CFAP54: variants seen among roughly 807,000 people sequenced by gnomAD.
CFAP54 encodes the protein cilia and flagella associated protein 54.
In CFAP54, 290 loss-of-function variants were observed where a neutral mutation model predicts 370.4. The ratio of observed to expected loss-of-function variants is 0.78; its 90% CI spans 0.71 to 0.86. The LOEUF (loss-of-function observed/expected upper bound fraction) is 0.86. Among genes scored for constraint, CFAP54 ranks in the 40% least tolerant of loss-of-function variants. CFAP54 has a pLI of 0.00. For synonymous variants in CFAP54, 1,206 were observed against 1,236.5 expected, an observed-to-expected ratio of 0.98 and a Z score of 0.52; for missense variants, 3,399 against 3,528.7, an observed-to-expected ratio of 0.96 and a Z score of 0.93.
At chr12:96,720,036 A>G (rs2136608280) in intron 49 of CFAP54, among the ~76,000 whole-genome samples, 1 of 152,316 alleles carries the variant, frequency 6.6e-6, no homozygotes, top group Non-Finnish European at 1.5e-5. Context: ...CAGTTAATGA[A>G]AATGTTGTGA....
intron 63 of CFAP54, among the ~76,000 whole-genome samples, chr12:96,798,980 T>C (rs1444386781): frequency 1.3e-5 from 2 of 152,224 alleles, no homozygotes; most frequent in African/African-American, 2.4e-5. Context: ...AAATGCAGTT[T>C]ACATATTTGT....
intron 1 of CFAP54, among the ~76,000 whole-genome samples, chr12:96,493,777 G>A (rs1954914710): frequency 1.3e-5 from 2 of 152,130 alleles, no homozygotes; most frequent in Admixed American, 1.3e-4. Flanking sequence ...CAGCCCAGGC[G>A]ACAGAGTGAG....
intron 45 of CFAP54, among the ~76,000 whole-genome samples, chr12:96,694,798 C>T (rs890615730): frequency 2.0e-5 from 3 of 151,804 alleles, no homozygotes; most frequent in South Asian, 2.1e-4. Context: ...CCGGGGTGGG[C>T]GGATCACCAG....
At chr12:96,707,725 G>A (rs999643476) in intron 47 of CFAP54, among the ~76,000 whole-genome samples, 1 of 152,184 alleles carries the variant, frequency 6.6e-6, no homozygotes, top group African/African-American at 2.4e-5. Flanking sequence ...CCAGCCTTAG[G>A]TAGCAGAAAG....
intron 47 of CFAP54, among the ~76,000 whole-genome samples, chr12:96,705,215 A>G (rs1025660284): frequency 1.2e-4 from 19 of 152,122 alleles, no homozygotes; most frequent in African/African-American, 4.1e-4. Flanking sequence ...TTATTTTTTT[A>G]AGTGCTAGGA....
At chr12:96,680,982 C>T (rs1396804001) in intron 40 of CFAP54, among the ~76,000 whole-genome samples, 1 of 152,106 alleles carries the variant, frequency 6.6e-6, no homozygotes, top group Non-Finnish European at 1.5e-5. Context: ...ACTCAGGAGG[C>T]TGAGGCATGA....
chr12:96,578,731 C>G (rs551941058), intron 20 of CFAP54, among the ~76,000 whole-genome samples: 16 of 152,256 alleles, frequency 1.1e-4, no homozygotes, highest in African/African-American at 3.9e-4. Context: ...CTAGATGGTG[C>G]TATGGGCTTA....
chr12:96,710,282 C>T (rs970207478), intron 48 of CFAP54, among the ~76,000 whole-genome samples: 5 of 152,142 alleles, frequency 3.3e-5, no homozygotes, highest in Non-Finnish European at 7.3e-5. Flanking sequence ...GAGAAGGGAA[C>T]ACAGGAGAGC....
chr12:96,604,220 T>G (rs958615821), intron 26 of CFAP54, among the ~76,000 whole-genome samples: 6 of 152,294 alleles, frequency 3.9e-5, no homozygotes, highest in African/African-American at 1.4e-4. Context: ...TCAGCTGCAG[T>G]TCTGTTGGAG....
intron 32 of CFAP54, among the ~76,000 whole-genome samples, chr12:96,643,007 G>A (rs929464429): frequency 1.2e-4 from 19 of 152,158 alleles, no homozygotes; most frequent in Admixed American, 3.3e-4. Context: ...CTGAACTATC[G>A]CACTCTCCAT....
chr12:96,794,254 T>C (rs1416084415), intron 63 of CFAP54, among the ~76,000 whole-genome samples: 1 of 152,234 alleles, frequency 6.6e-6, no homozygotes, highest in African/African-American at 2.4e-5. Context: ...CATGGTGTTC[T>C]TTGAGCTTCT....
At chr12:96,712,219 C>T (rs957314945) in intron 48 of CFAP54, among the ~76,000 whole-genome samples, 5 of 152,176 alleles carry the variant, frequency 3.3e-5, no homozygotes, top group Middle Eastern at 3.4e-3. Context: ...GCGTTTCAGA[C>T]TTTGGATGTC....
At chr12:96,587,384 G>C (rs12814007) in intron 22 of CFAP54, among the ~76,000 whole-genome samples, 47,153 of 151,916 alleles carry the variant, frequency 0.31, 7,471 homozygotes, top group South Asian at 0.35. Flanking sequence ...AACCAAGAGT[G>C]GAATTCTGGA....
chr12:96,728,500 G>T (rs1416748662), intron 50 of CFAP54, among the ~76,000 whole-genome samples: 3 of 152,100 alleles, frequency 2.0e-5, no homozygotes, highest in Admixed American at 6.5e-5. Context: ...TCTTCACGTA[G>T]TTCTCGACCC....
chr12:96,512,866 A>G, intron 4 of CFAP54, 120 bp from the exon 5 acceptor site: 1 of 493,474 alleles, frequency 2.0e-6, no homozygotes, highest in Non-Finnish European at 3.4e-6. Flanking sequence ...ATATACCATT[A>G]TCAGACTTCC....
At position 96,740,464 on chromosome 12, in the gene CFAP54, A is replaced by G. The variant is rs148219924; in HGVS notation, c.7071+403A>G. On this transcript the variant is annotated intron_variant, in intron 51 of 67. Transcript: ENST00000524981. Reference sequence around the variant, plus strand: ...ATACCTGGGCTGTTTCCTGCTTTGGATTCCTCATAGTTAGAATCTTGCATT... The same window carrying G: ...ATACCTGGGCTGTTTCCTGCTTTGGGTTCCTCATAGTTAGAATCTTGCATT... Among the ~76,000 whole-genome samples, 139 of 152,312 alleles carry G rather than the reference A, an allele frequency of 9.1e-4. 3 individuals carry two copies. In the East Asian group the frequency reaches 0.022, roughly 24 times the overall value.
chr12:96,534,101 T>G lies in CFAP54; in HGVS notation c.1579T>G (p.Leu527Val), dbSNP rs182181090. ...DPESKKAEKD[L>V]TLLIAMEPLI... ...AGAGTCAAAGAAAGCAGAGAAGGATTTAACTCTTCTGATTGCAATGGAACC... is the reference window on the plus strand; with the variant it reads ...AGAGTCAAAGAAAGCAGAGAAGGATGTAACTCTTCTGATTGCAATGGAACC... The change falls in exon 11 of 68, where the codon TTA (leucine) becomes GTA (valine). Residue 527 changes from leucine (L) to valine (V), a missense_variant. Leu to Val is a conservative substitution (Grantham distance 32). This residue lies in a region of CFAP54 where 44 missense variants were observed against 82.3 expected (regional missense o/e 0.53). Coordinates refer to ENST00000524981, the MANE Select transcript of CFAP54 (RefSeq NM_001306084.2). 2.6e-6 allele frequency: 4 copies of G among 1,533,546 alleles called. No individual in the cohort carries two copies. The highest frequency in any genetic ancestry group is 2.6e-6 in the Non-Finnish European group (3 of 1,145,834). The allele number at this position is 1,533,546 out of a possible 1,614,324, so 95.0% of individuals were successfully genotyped here.
intron 47 of CFAP54, among the ~76,000 whole-genome samples, chr12:96,706,778 TTGTGTGTGTATG>T: frequency 6.6e-6 from 1 of 150,496 alleles, no homozygotes; most frequent in South Asian, 2.2e-4. Flanking sequence ...AGCACTTACA[TTGTGTGTGTATG>T]TGTGTGTGTG....
At chr12:96,668,142 T>C (rs1274537822) in intron 39 of CFAP54, among the ~76,000 whole-genome samples, 6 of 152,236 alleles carry the variant, frequency 3.9e-5, no homozygotes, top group Non-Finnish European at 8.8e-5. Context: ...TCTTCATTTC[T>C]TCTGAGCCCT....
Sources: allele counts gnomAD v4.1 joint callset (sites outside exome capture counted in the v4.1 genomes callset), GRCh38; gene constraint gnomAD v4.1.1; regional missense constraint gnomAD v4.1.1; transcripts MANE v1.5; gene names NCBI Gene and HGNC (gene_info 2026-07-23, HGNC 2026-07-21).